The following CERK variants were observed in gnomAD, a reference collection of about 807,000 sequenced individuals.
CERK encodes the protein ceramide kinase, also known as acylsphingosine kinase.
In CERK, 39 loss-of-function variants were observed where a neutral mutation model predicts 63.4. The ratio of observed to expected loss-of-function variants is 0.61; its 90% CI spans 0.48 to 0.80. The LOEUF is 0.80. Among genes scored for constraint, CERK ranks in the 30% least tolerant of loss-of-function variants. The probability of loss-of-function intolerance (pLI) is 0.00; values close to 1 mark genes in which losing one functional copy is unlikely to be tolerated. For missense variants in CERK, 670 were observed against 714.1 expected (o/e 0.94, Z 0.70); for synonymous variants, 302 against 280.0 (o/e 1.08, Z -0.78).
At chr22:46,728,748 G>C (rs913361711) in intron 1 of CERK, among the ~76,000 whole-genome samples, 3 of 152,252 alleles carry the variant, frequency 2.0e-5, no homozygotes, top group African/African-American at 7.2e-5. Context: ...GGAGAGGCCA[G>C]CGTGCAGAGT....
intron 6 of CERK, among the ~76,000 whole-genome samples, chr22:46,707,384 C>G (rs1441379805): frequency 6.6e-6 from 1 of 152,186 alleles, no homozygotes. Context: ...CAGCTGTTCC[C>G]GGGCTCGGCT....
chr22:46,688,466 C>G (rs73471148), intron 12 of CERK, among the ~76,000 whole-genome samples: 2,030 of 152,318 alleles, frequency 0.013, 46 homozygotes, highest in African/African-American at 0.046. Context: ...CTGGGGTGGC[C>G]GGTGTTCCTG....
chr22:46,702,799 G>T (rs1268594317), intron 6 of CERK, among the ~76,000 whole-genome samples: 1 of 152,218 alleles, frequency 6.6e-6, no homozygotes, highest in Non-Finnish European at 1.5e-5. Context: ...CCGGCTGATC[G>T]CACGGCCTTC....
intron 6 of CERK, among the ~76,000 whole-genome samples, chr22:46,703,055 TAA>T (rs1256424217): frequency 6.6e-6 from 1 of 152,134 alleles, no homozygotes; most frequent in East Asian, 1.9e-4. Flanking sequence ...TCTCTGTGCC[TAA>T]GTCATTAGCA....
chr22:46,738,102 A>G lies in CERK; in HGVS notation c.47T>C (p.Val16Ala). 7.8e-7 allele frequency: 1 copy of G among 1,278,844 alleles called. No homozygotes were observed. Among genetic ancestry groups the G allele is most frequent in the Non-Finnish European group, 9.9e-7 (1 of 1,005,228 alleles). The allele number at this position is 1,278,844 out of a possible 1,614,324, so 79.2% of individuals were successfully genotyped here. A position where few individuals can be genotyped will look rare whatever the true frequency, so the allele number is the denominator to read the frequency against. Residue 16 changes from valine (V) to alanine (A), a missense_variant, in exon 1 of 13, where the codon GTG (valine) becomes GCG (alanine). Transcript: ENST00000216264. ...GCTCACGGCGCAGCGCTGCTGCTTC[A>G]CCCACAGCACGGATTGCAGCGGCTC... ...AAEPLQSVLW[V>A]KQQRCAVSLE...
intron 6 of CERK, among the ~76,000 whole-genome samples, chr22:46,703,969 T>C (rs1215637764): frequency 6.7e-6 from 1 of 149,534 alleles, no homozygotes; most frequent in Non-Finnish European, 1.5e-5. Flanking sequence ...ACCTGTCACC[T>C]CTCAGAAAGG....
At chr22:46,698,186 G>A (rs550186735) in intron 8 of CERK, among the ~76,000 whole-genome samples, 5 of 152,240 alleles carry the variant, frequency 3.3e-5, no homozygotes, top group African/African-American at 1.2e-4. Context: ...TGTTTTCTCC[G>A]CTATAAAGTG....
At chr22:46,727,839 C>A (rs57097335) in intron 1 of CERK, among the ~76,000 whole-genome samples, 1,440 of 142,068 alleles carry the variant, frequency 0.01, 24 homozygotes, top group African/African-American at 0.034. Context: ...CCACCCCCCC[C>A]GGCCCTGCCA....
At position 46,714,571 on chromosome 22, in the gene CERK, T is replaced by G. The variant is rs906408483; in HGVS notation, c.380-2278A>C. Among the ~76,000 whole-genome samples, 3 of 152,082 alleles carry G rather than the reference T, an allele frequency of 2.0e-5. No homozygotes were observed. Among genetic ancestry groups the G allele is most frequent in the Non-Finnish European group, 4.4e-5 (3 of 68,010 alleles). ...AATTTGTCAGAGATACCAGAAGAAATAGAAAATCTGAATAGTCTGACAGCT... is the reference window on the plus strand; with the variant it reads ...AATTTGTCAGAGATACCAGAAGAAAGAGAAAATCTGAATAGTCTGACAGCT... On this transcript the variant is annotated intron_variant, in intron 3 of 12. Transcript: ENST00000216264. The surrounding 1 kb of genome is among the most constrained non-coding windows in gnomAD (Gnocchi z 4.4).
At chr22:46,693,588 T>C (rs768269731) in intron 9 of CERK, 85 bp from the exon 10 acceptor site, 64 of 1,124,762 alleles carry the variant, frequency 5.7e-5, no homozygotes, top group Non-Finnish European at 8.4e-5. Flanking sequence ...GTATTTACAT[T>C]CTTTTCACAT....
intron 5 of CERK, among the ~76,000 whole-genome samples, chr22:46,708,947 C>T (rs1045822365): frequency 5.9e-5 from 9 of 152,142 alleles, no homozygotes; most frequent in African/African-American, 2.2e-4. Context: ...TGCCCATTCC[C>T]CAGTGGGTCT....
At position 46,686,033 on chromosome 22, in the gene CERK, G is replaced by A. The variant is rs2082698920; in HGVS notation, c.*1101C>T. 1 of 152,190 alleles carries A rather than the reference G, an allele frequency of 6.6e-6. No individual in the cohort carries two copies. The highest frequency in any genetic ancestry group is 2.4e-5 in the African/African-American group (1 of 41,442). The allele number at this position is 152,190 out of a possible 1,614,324, so 9.4% of individuals were successfully genotyped here. ...TAGTACACAATTGAGGGGTGCCCCG[G>A]GGAGCGCGGCAGGAATGCCTTCCGG... On this transcript the variant is annotated 3_prime_UTR_variant, in exon 13 of 13. Coordinates refer to ENST00000216264, the MANE Select transcript of CERK (RefSeq NM_022766.6).
intron 1 of CERK, among the ~76,000 whole-genome samples, chr22:46,730,025 C>T (rs1427810258): frequency 2.7e-5 from 4 of 149,316 alleles, no homozygotes; most frequent in Non-Finnish European, 4.5e-5. Context: ...GGTGACAGAT[C>T]GAGACTCCAT....
At chr22:46,736,676 G>A (rs541871471) in intron 1 of CERK, among the ~76,000 whole-genome samples, 1 of 152,300 alleles carries the variant, frequency 6.6e-6, no homozygotes, top group East Asian at 1.9e-4. Context: ...CCTTAGGAAA[G>A]TCAAGTCTCA....
intron 1 of CERK, among the ~76,000 whole-genome samples, chr22:46,730,760 C>G (rs1475825784): frequency 6.6e-6 from 1 of 152,204 alleles, no homozygotes; most frequent in East Asian, 1.9e-4. Context: ...GGCAGCTGTT[C>G]AGGGCCTGGG....
At chr22:46,726,097 T>C (rs911679432) in intron 1 of CERK, among the ~76,000 whole-genome samples, 1 of 152,144 alleles carries the variant, frequency 6.6e-6, no homozygotes, top group African/African-American at 2.4e-5. Flanking sequence ...GGGCACTGAG[T>C]GTCTGCCAGT....
At chr22:46,721,788 G>C (rs1419850998) in intron 1 of CERK, among the ~76,000 whole-genome samples, 1 of 152,166 alleles carries the variant, frequency 6.6e-6, no homozygotes, top group Non-Finnish European at 1.5e-5. Context: ...TGGAGTGCAG[G>C]GGGAGGAGAC....
intron 8 of CERK, among the ~76,000 whole-genome samples, chr22:46,695,702 C>T (rs924112586): frequency 1.3e-5 from 2 of 152,236 alleles, no homozygotes; most frequent in African/African-American, 4.8e-5. Flanking sequence ...GTCAGTGATG[C>T]CCCCACCTGC....
chr22:46,731,945 G>A (rs2146596005), intron 1 of CERK, among the ~76,000 whole-genome samples: 1 of 152,318 alleles, frequency 6.6e-6, no homozygotes, highest in South Asian at 2.1e-4. Context: ...CCATCATCCA[G>A]GGTTCAGCCG....
Sources: allele counts gnomAD v4.1 joint callset (sites outside exome capture counted in the v4.1 genomes callset), GRCh38; gene constraint gnomAD v4.1.1; non-coding constraint Gnocchi (gnomAD v3.1); transcripts MANE v1.5; gene names NCBI Gene and HGNC (gene_info 2026-07-23, HGNC 2026-07-21).